GRB2: variants seen among roughly 807,000 people sequenced by gnomAD.
GRB2 encodes growth factor receptor-bound protein 2.
In GRB2, 2 loss-of-function variants were observed where a neutral mutation model predicts 27.4. The observed-to-expected ratio is 0.07, with a 90% CI of 0.03 to 0.23. The LOEUF (loss-of-function observed/expected upper bound fraction) is 0.23, where lower values mean the gene tolerates loss of function less well. GRB2 is among the 10% of genes least tolerant of loss of function. The probability of loss-of-function intolerance (pLI) is 1.00; values close to 1 mark genes in which losing one functional copy is unlikely to be tolerated. For synonymous variants in GRB2, 94 were observed against 99.6 expected, an observed-to-expected ratio of 0.94 and a Z score of 0.33; for missense variants, 102 against 282.4, an observed-to-expected ratio of 0.36 and a Z score of 4.58.
chr17:75,332,690 C>T lies in GRB2; in HGVS notation c.176+10G>A. On this transcript the variant is annotated intron_variant, in intron 3 of 5. Transcript: ENST00000316804. ...TCCAACCCTTCCAAGACTAATGGAG[C>T]TTAACTTACGGATGTGGTTTCATTT... The T allele has an allele frequency of 1.9e-6, 3 of 1,540,550 alleles. No homozygotes were observed. The highest frequency in any genetic ancestry group is 2.3e-5 in the South Asian group (2 of 88,860).
At chr17:75,340,479 A>C (rs1243980229) in intron 2 of GRB2, among the ~76,000 whole-genome samples, 1 of 152,220 alleles carries the variant, frequency 6.6e-6, no homozygotes, top group African/African-American at 2.4e-5. Flanking sequence ...AATTCTAGTG[A>C]CATCTACTAC....
At chr17:75,392,837 T>C (rs1356528050) in intron 2 of GRB2, among the ~76,000 whole-genome samples, 2 of 152,164 alleles carry the variant, frequency 1.3e-5, no homozygotes, top group East Asian at 1.9e-4. Context: ...CTCACATAAA[T>C]AGTGGGGCTC....
chr17:75,353,359 C>A (rs922727920), intron 2 of GRB2, among the ~76,000 whole-genome samples: 3 of 152,004 alleles, frequency 2.0e-5, no homozygotes, highest in African/African-American at 7.2e-5. Flanking sequence ...TGAAAAAAAT[C>A]CGTGTATAAG....
intron 3 of GRB2, among the ~76,000 whole-genome samples, chr17:75,330,761 G>C (rs954299681): frequency 7.9e-5 from 12 of 151,840 alleles, no homozygotes; most frequent in African/African-American, 2.9e-4. Context: ...GAGAGCTAAG[G>C]GGGTGAGGGG....
intron 2 of GRB2, among the ~76,000 whole-genome samples, chr17:75,337,564 C>T (rs967142647): frequency 5.7e-4 from 79 of 139,092 alleles, no homozygotes; most frequent in African/African-American, 1.8e-3. Flanking sequence ...TATTTTATTA[C>T]TGTTACTATT....
At chr17:75,393,024 C>T (rs958475064) in intron 2 of GRB2, among the ~76,000 whole-genome samples, 3 of 152,104 alleles carry the variant, frequency 2.0e-5, no homozygotes, top group Non-Finnish European at 4.4e-5. Flanking sequence ...TGTTTTTTCA[C>T]AAAGAATAAA....
intron 2 of GRB2, among the ~76,000 whole-genome samples, chr17:75,384,996 A>T (rs1370393758): frequency 7.2e-6 from 1 of 139,110 alleles, no homozygotes; most frequent in African/African-American, 2.8e-5. Flanking sequence ...GTTCGAGACC[A>T]GCGTGGGCAA....
chr17:75,341,256 A>C (rs1184880195), intron 2 of GRB2, among the ~76,000 whole-genome samples: 1 of 151,664 alleles, frequency 6.6e-6, no homozygotes, highest in Non-Finnish European at 1.5e-5. Flanking sequence ...ACATGGTGAA[A>C]CCCTGTCTCT....
At chr17:75,331,141 C>T (rs1933895866) in intron 3 of GRB2, among the ~76,000 whole-genome samples, 1 of 152,212 alleles carries the variant, frequency 6.6e-6, no homozygotes, top group Admixed American at 6.5e-5. Context: ...ACTACGTCTG[C>T]AAGGCCAAAC....
At chr17:75,339,474 AAT>A (rs141596362) in intron 2 of GRB2, among the ~76,000 whole-genome samples, 4 of 150,166 alleles carry the variant, frequency 2.7e-5, no homozygotes, top group Non-Finnish European at 3.0e-5. Context: ...TTTACTTCAA[AAT>A]ATATATATAT....
At position 75,351,700 on chromosome 17, in the gene GRB2, G is replaced by T. The variant is rs568745465; in HGVS notation, c.79-18903C>A. Among the ~76,000 whole-genome samples, 13 of 151,946 alleles carry T rather than the reference G, an allele frequency of 8.6e-5. No homozygotes were observed. The South Asian group carries it at 2.7e-3, about 32-fold the overall frequency. The stretch of plus-strand genomic sequence containing the variant: ...TCTCCACCATAAACAAAGACAAAGA[G>T]AAAGAAAATATATTAAAGGGATAAT... On this transcript the variant is annotated intron_variant, in intron 2 of 5. Coordinates refer to ENST00000316804, the MANE Select transcript of GRB2 (RefSeq NM_002086.5).
chr17:75,393,206 T>C (rs2079009350), intron 2 of GRB2, among the ~76,000 whole-genome samples: 1 of 152,236 alleles, frequency 6.6e-6, no homozygotes, highest in African/African-American at 2.4e-5. Context: ...TCTGGGTCTT[T>C]TTAAAAAATG....
intron 2 of GRB2, among the ~76,000 whole-genome samples, chr17:75,379,273 A>C (rs2078912821): frequency 6.6e-6 from 1 of 152,106 alleles, no homozygotes. Context: ...TTATTTGCTT[A>C]TTTAATTTCA....
chr17:75,391,807 C>CAA (rs60382091), intron 2 of GRB2, among the ~76,000 whole-genome samples: 6,435 of 121,248 alleles, frequency 0.053, 153 homozygotes, highest in South Asian at 0.11. Context: ...GACTCCATCT[C>CAA]AAAAAAAAAA....
intron 2 of GRB2, among the ~76,000 whole-genome samples, chr17:75,358,574 A>T (rs2078750004): frequency 6.6e-6 from 1 of 151,850 alleles, no homozygotes; most frequent in Non-Finnish European, 1.5e-5. Flanking sequence ...CATTAAGAGT[A>T]ACAGACAGGG....
intron 2 of GRB2, among the ~76,000 whole-genome samples, chr17:75,357,593 A>G (rs1239332573): frequency 6.6e-6 from 1 of 152,170 alleles, no homozygotes; most frequent in Non-Finnish European, 1.5e-5. Flanking sequence ...CATTCCTCAA[A>G]CATCTGGTGC....
At chr17:75,376,511 ACT>A (rs1278875636) in intron 2 of GRB2, among the ~76,000 whole-genome samples, 5 of 116,560 alleles carry the variant, frequency 4.3e-5, no homozygotes, top group African/African-American at 1.1e-4. Flanking sequence ...ACAGAGGGAG[ACT>A]CTGTTTCAAA....
chr17:75,347,296 A>G (rs1315610649), intron 2 of GRB2, among the ~76,000 whole-genome samples: 1 of 152,146 alleles, frequency 6.6e-6, no homozygotes, highest in Non-Finnish European at 1.5e-5. Context: ...GGTCAAATCC[A>G]TGGACCGGAC....
chr17:75,370,266 C>T lies in GRB2; in HGVS notation c.78+23285G>A, dbSNP rs8073512. Among the ~76,000 whole-genome samples the T allele has an allele frequency of 4.3e-3, 653 of 152,286 alleles. 7 individuals carry two copies. The highest frequency in any genetic ancestry group is 0.015 in the African/African-American group (618 of 41,576). On this transcript the variant is annotated intron_variant, in intron 2 of 5. Transcript: ENST00000316804. ...GATATTGGTGCCTTGTTGACTGAAA[C>T]CCACTATTCCAGGCCTGGAAGAACT...
Sources: gnomAD v4.1 joint callset for allele counts (sites outside exome capture counted in the v4.1 genomes callset) on GRCh38, gnomAD v4.1.1 for gene constraint, MANE v1.5 for transcripts, NCBI Gene and HGNC (gene_info 2026-07-23, HGNC 2026-07-21) for gene names.